ADAM2: variants seen among roughly 807,000 people sequenced by gnomAD.
The protein encoded by ADAM2 is ADAM metallopeptidase domain 2.
A neutral mutation model predicts 99.3 loss-of-function variants in ADAM2; 101 were observed. The ratio of observed to expected loss-of-function variants is 1.02; its 90% CI spans 0.87 to 1.20. The LOEUF (loss-of-function observed/expected upper bound fraction) is 1.20, where lower values mean the gene tolerates loss of function less well. ADAM2 is among the 50% of genes most tolerant of loss of function. The pLI is 0.00. For synonymous variants in ADAM2, 323 were observed against 287.6 expected (o/e 1.12, Z -1.25); for missense variants, 948 against 878.7 (o/e 1.08, Z -1.00).
chr8:39,778,851 CCCT>C (rs1554523436), intron 10 of ADAM2, among the ~76,000 whole-genome samples: 1 of 151,938 alleles, frequency 6.6e-6, no homozygotes, highest in Non-Finnish European at 1.5e-5. Flanking sequence ...ATTTTAAACC[CCCT>C]ATTTTTGAGA....
At chr8:39,782,132 T>C (rs369821626) in intron 10 of ADAM2, among the ~76,000 whole-genome samples, 1 of 152,342 alleles carries the variant, frequency 6.6e-6, no homozygotes, top group South Asian at 2.1e-4. Flanking sequence ...AATAGCTTCA[T>C]GATCTTAGAA....
chr8:39,765,001 C>T (rs1376356127), intron 14 of ADAM2, among the ~76,000 whole-genome samples: 2 of 150,848 alleles, frequency 1.3e-5, no homozygotes, highest in South Asian at 2.1e-4. Context: ...CCAGCCTGAG[C>T]GACAGAGCAA....
In ADAM2 at chr8:39,755,741, C is replaced by T; in HGVS notation, c.1784G>A (p.Cys595Tyr). The T allele has an allele frequency of 6.2e-7, 1 of 1,612,152 alleles. No individual in the cohort carries two copies. The highest frequency in any genetic ancestry group is 8.5e-7 in the Non-Finnish European group (1 of 1,179,196). ...AAGACTACCTACCTTATTTGAACCA[C>T]AAGAAGTTCCATCTTTTATCCACAT... ...QKMWIKDGTS[C>Y]GSNKVCRNQR... The change falls in exon 16 of 21, where the codon TGT becomes TAT. Residue 595 changes from cysteine (C) to tyrosine (Y), a missense_variant. By Grantham distance (194) the Cys-to-Tyr change is radical. Coordinates refer to ENST00000265708, the MANE Select transcript of ADAM2 (RefSeq NM_001464.5).
chr8:39,831,296 CTAT>C (rs1390424527), intron 3 of ADAM2, among the ~76,000 whole-genome samples: 3 of 152,034 alleles, frequency 2.0e-5, no homozygotes, highest in Non-Finnish European at 2.9e-5. Context: ...CCAAGCAGCC[CTAT>C]TATTATGGAA....
intron 5 of ADAM2, 53 bp from the exon 6 acceptor site, chr8:39,821,223 C>T: frequency 8.4e-7 from 1 of 1,189,998 alleles, no homozygotes; most frequent in Middle Eastern, 2.4e-4. Context: ...GTGGAAAAGC[C>T]AATAAAATGC....
intron 4 of ADAM2, among the ~76,000 whole-genome samples, chr8:39,822,582 G>C (rs1157403252): frequency 6.6e-6 from 1 of 152,068 alleles, no homozygotes; most frequent in Non-Finnish European, 1.5e-5. Flanking sequence ...GTATACACTT[G>C]ATATATTTGC....
chr8:39,751,538 A>G (rs2129582979), intron 16 of ADAM2, among the ~76,000 whole-genome samples: 1 of 152,174 alleles, frequency 6.6e-6, no homozygotes, highest in Middle Eastern at 3.4e-3. Flanking sequence ...TGCCTGTGGC[A>G]GAGTGCTTAA....
At chr8:39,812,970 G>A (rs888264232) in intron 6 of ADAM2, among the ~76,000 whole-genome samples, 1 of 152,190 alleles carries the variant, frequency 6.6e-6, no homozygotes, top group East Asian at 1.9e-4. Context: ...ACTACCATCA[G>A]AGTGAAGAGG....
At chr8:39,835,055 C>T (rs534115801) in intron 2 of ADAM2, among the ~76,000 whole-genome samples, 1 of 152,176 alleles carries the variant, frequency 6.6e-6, no homozygotes, top group Non-Finnish European at 1.5e-5. Context: ...TTTATAGACT[C>T]TGCCTCCAAA....
chr8:39,769,461 G>GA lies in ADAM2; in HGVS notation c.1142dup (p.Lys382GlnfsTer8), dbSNP rs774922870. Reference sequence around the variant, plus strand: ...CATTACCACACACTGCTTGCTGTTTGAAAAAAGGATCTAAGCGAGGCTGAT... The same window carrying GA: ...CATTACCACACACTGCTTGCTGTTTGAAAAAAAGGATCTAAGCGAGGCTGAT... On this transcript the variant is annotated frameshift_variant, in exon 12 of 21. Transcript: ENST00000265708. LOFTEE classifies it high-confidence loss of function. The GA allele has an allele frequency of 6.9e-5, 112 of 1,613,804 alleles. No homozygotes were observed. Among genetic ancestry groups the GA allele is most frequent in the Non-Finnish European group, 9.4e-5 (111 of 1,179,846 alleles).
chr8:39,810,652 A>G (rs1346610779), intron 6 of ADAM2, among the ~76,000 whole-genome samples: 1 of 152,172 alleles, frequency 6.6e-6, no homozygotes, highest in African/African-American at 2.4e-5. Context: ...ACTCAACTAC[A>G]TGGAAACTGA....
At position 39,746,535 on chromosome 8, in the gene ADAM2, G is replaced by A. The variant is rs1475875197; in HGVS notation, c.2111C>T (p.Ala704Val). ...TTGGAAATTAACTTTCACCATTATA[G>A]CAATCAGTACACAGAAAATAATAAA... ...PFFIIFCVLI[A>V]IMVKVNFQRK... Residue 704 changes from alanine to valine, a missense_variant, in exon 19 of 21, where the codon GCT becomes GTT. By Grantham distance (64) the Ala-to-Val change is moderately conservative. Transcript: ENST00000265708. 1 of 1,603,342 alleles carries A rather than the reference G, an allele frequency of 6.2e-7. No individual in the cohort carries two copies. The highest frequency in any genetic ancestry group is 1.7e-5 in the Admixed American group (1 of 58,596).
At chr8:39,819,928 A>T (rs183976864) in intron 6 of ADAM2, among the ~76,000 whole-genome samples, 60 of 152,274 alleles carry the variant, frequency 3.9e-4, no homozygotes, top group African/African-American at 1.3e-3. Context: ...CCAAGAAAAG[A>T]GAATCTTAAG....
At chr8:39,774,923 T>G (rs541980715) in intron 11 of ADAM2, among the ~76,000 whole-genome samples, 1 of 152,240 alleles carries the variant, frequency 6.6e-6, no homozygotes, top group South Asian at 2.1e-4. Flanking sequence ...GAAAATACTC[T>G]AAAGCATGAA....
At chr8:39,804,251 A>G (rs960883964) in intron 7 of ADAM2, among the ~76,000 whole-genome samples, 6 of 152,194 alleles carry the variant, frequency 3.9e-5, no homozygotes, top group Admixed American at 2.6e-4. Flanking sequence ...TTATTTGATG[A>G]CTTGGATTTA....
chr8:39,801,417 G>T (rs745382114), intron 7 of ADAM2, among the ~76,000 whole-genome samples: 22 of 152,160 alleles, frequency 1.4e-4, no homozygotes, highest in Non-Finnish European at 2.9e-4. Flanking sequence ...CTGACCTTGA[G>T]GGGCACCAAC....
At chr8:39,753,038 A>C (rs1367067264) in intron 16 of ADAM2, among the ~76,000 whole-genome samples, 1 of 152,142 alleles carries the variant, frequency 6.6e-6, no homozygotes, top group African/African-American at 2.4e-5. Context: ...AAAAATGTGG[A>C]AGCGATTTTG....
At chr8:39,789,551 T>A (rs1333230290) in intron 7 of ADAM2, among the ~76,000 whole-genome samples, 1 of 151,752 alleles carries the variant, frequency 6.6e-6, no homozygotes, top group African/African-American at 2.4e-5. Flanking sequence ...AAACTAACTA[T>A]AAACTACAGT....
chr8:39,810,542 C>T (rs1804653377), intron 6 of ADAM2, among the ~76,000 whole-genome samples: 1 of 152,220 alleles, frequency 6.6e-6, no homozygotes, highest in Non-Finnish European at 1.5e-5. Flanking sequence ...AAGTGAGGCA[C>T]TCCTCAGCAA....
Sources: allele counts gnomAD v4.1 joint callset (sites outside exome capture counted in the v4.1 genomes callset), GRCh38; gene constraint gnomAD v4.1.1; transcripts MANE v1.5; gene names NCBI Gene and HGNC (gene_info 2026-07-23, HGNC 2026-07-21).